SAMD5: variants seen among roughly 807,000 people sequenced by gnomAD.
SAMD5 encodes sterile alpha motif domain-containing protein 5.
A neutral mutation model predicts 11.3 loss-of-function variants in SAMD5; 13 were observed. That is an observed-to-expected ratio of 1.15 (90% confidence interval 0.75 to 1.83). The LOEUF is 1.83. Among genes scored for constraint, SAMD5 ranks in the 40% most tolerant of loss-of-function variants. The pLI, the probability that SAMD5 is intolerant of heterozygous loss-of-function variation, is 0.00. For missense variants in SAMD5, 255 were observed against 239.1 expected (o/e 1.07, Z -0.44); for synonymous variants, 129 against 111.3 (o/e 1.16, Z -1.00).
intron 1 of SAMD5, among the ~76,000 whole-genome samples, chr6:147,629,812 T>C (rs889583291): frequency 2.0e-5 from 3 of 152,172 alleles, no homozygotes; most frequent in Non-Finnish European, 2.9e-5. Flanking sequence ...ACCTCTTCCT[T>C]CCAGCTTCGA....
the SAMD5 span, among the ~76,000 whole-genome samples, chr6:147,825,346 T>C: frequency 1.3e-5 from 2 of 152,132 alleles, no homozygotes; most frequent in Admixed American, 1.3e-4. Flanking sequence ...TGTGGTCATA[T>C]CTTTCCATTT....
chr6:147,532,084 C>T (rs1474283437), intron 1 of SAMD5, among the ~76,000 whole-genome samples: 1 of 152,104 alleles, frequency 6.6e-6, no homozygotes, highest in Non-Finnish European at 1.5e-5. Context: ...TGCTCTATTA[C>T]TATCCCCTAG....
intron 1 of SAMD5, among the ~76,000 whole-genome samples, chr6:147,694,221 G>A (rs1791144151): frequency 6.6e-6 from 1 of 152,120 alleles, no homozygotes; most frequent in Non-Finnish European, 1.5e-5. Context: ...CATTTTAGAA[G>A]TGTAATGTGA....
At chr6:147,762,499 C>G in the SAMD5 span, among the ~76,000 whole-genome samples, 7 of 107,714 alleles carry the variant, frequency 6.5e-5, no homozygotes, top group African/African-American at 2.6e-4. Flanking sequence ...GTGCCTGGCC[C>G]AAAACCAATT....
At chr6:147,871,174 C>T in the SAMD5 span, among the ~76,000 whole-genome samples, 2 of 152,092 alleles carry the variant, frequency 1.3e-5, no homozygotes, top group Non-Finnish European at 2.9e-5. Flanking sequence ...TAAACATTTT[C>T]GGCAGAGTGT....
rs1296565815 is a variant in SAMD5 at position 147,567,854 on chromosome 6, A to G, written c.*3398A>G. The G allele has an allele frequency of 2.1e-5, 21 of 985,302 alleles. No homozygotes were observed. Among genetic ancestry groups the G allele is most frequent in the Non-Finnish European group, 2.4e-5 (20 of 829,954 alleles). 61.0% of individuals were successfully genotyped at this position (985,302 alleles called of 1,614,324 possible). ...AGTTCAGTAAATGTTTATTGATTGA[A>G]TGAAAAGAATTTGATTTAAGGAAAC... On this transcript the variant is annotated 3_prime_UTR_variant, in exon 2 of 2. Transcript: ENST00000367474.
At chr6:147,622,600 C>T (rs974299274) in intron 1 of SAMD5, among the ~76,000 whole-genome samples, 4 of 152,160 alleles carry the variant, frequency 2.6e-5, no homozygotes, top group South Asian at 2.1e-4. Flanking sequence ...GACTGTCCAG[C>T]CCACCAGGAA....
chr6:147,757,872 T>C, the SAMD5 span, among the ~76,000 whole-genome samples: 6 of 152,184 alleles, frequency 3.9e-5, no homozygotes, highest in African/African-American at 1.2e-4. Context: ...GAGAGTGACT[T>C]CTTTAACTTG....
chr6:147,683,486 A>AT (rs774984732), intron 1 of SAMD5, among the ~76,000 whole-genome samples: 105 of 152,266 alleles, frequency 6.9e-4, no homozygotes, highest in Admixed American at 3.1e-3. Flanking sequence ...TTACATGGGT[A>AT]TTTTTTTACC....
At chr6:147,691,084 T>A (rs1217822988) in intron 1 of SAMD5, among the ~76,000 whole-genome samples, 1 of 149,844 alleles carries the variant, frequency 6.7e-6, no homozygotes, top group Admixed American at 6.7e-5. Flanking sequence ...AACACCCCCC[T>A]CCCGAGTTCA....
At position 147,534,942 on chromosome 6, in the gene SAMD5, T is replaced by C. The variant is rs544840784; in HGVS notation, c.459+25555T>C. ...TTTGTTTAAACCATAAACTATAAAC[T>C]AAGTTTCTCCCAAAGTTAGTTCAGC... On this transcript the variant is annotated intron_variant, in intron 1 of 1. Coordinates refer to ENST00000367474, the MANE Select transcript of SAMD5 (RefSeq NM_001030060.3). Among the ~76,000 whole-genome samples, 4 of 152,326 alleles carry C rather than the reference T, an allele frequency of 2.6e-5. No homozygotes were observed. In the East Asian group the frequency reaches 5.8e-4, roughly 22 times the overall value.
the SAMD5 span, among the ~76,000 whole-genome samples, chr6:147,795,381 C>T: frequency 2.1e-5 from 3 of 140,982 alleles, no homozygotes; most frequent in South Asian, 2.2e-4. Context: ...CATGTCCCTA[C>T]AAAGGACATG....
chr6:147,564,547 G>A lies in SAMD5; in HGVS notation c.*91G>A. On this transcript the variant is annotated 3_prime_UTR_variant, in exon 2 of 2. Coordinates refer to ENST00000367474, the MANE Select transcript of SAMD5 (RefSeq NM_001030060.3). The stretch of plus-strand genomic sequence containing the variant: ...GAACCTTCTTTCAAAAAGGGAAATG[G>A]ATGATGACCCTGGAAATACTCATCA... 1 of 1,081,720 alleles carries A rather than the reference G, an allele frequency of 9.2e-7. No individual in the cohort carries two copies. The highest frequency in any genetic ancestry group is 1.4e-6 in the Non-Finnish European group (1 of 713,672). 67.0% of individuals were successfully genotyped at this position (1,081,720 alleles called of 1,614,324 possible).
the SAMD5 span, among the ~76,000 whole-genome samples, chr6:147,911,476 A>T: frequency 6.6e-6 from 1 of 152,182 alleles, no homozygotes; most frequent in African/African-American, 2.4e-5. Context: ...CTGAGCTACA[A>T]AGCCAAAACT....
chr6:147,850,817 C>A, the SAMD5 span, among the ~76,000 whole-genome samples: 167 of 152,138 alleles, frequency 1.1e-3, no homozygotes, highest in African/African-American at 3.9e-3. Context: ...ATTTAGTCAC[C>A]GAGTAGCAGA....
At chr6:147,708,215 A>G (rs934758402) in intron 1 of SAMD5, among the ~76,000 whole-genome samples, 3 of 152,192 alleles carry the variant, frequency 2.0e-5, no homozygotes, top group African/African-American at 7.2e-5. Flanking sequence ...TCATGTCCTC[A>G]GAAGAAGAGG....
the SAMD5 span, among the ~76,000 whole-genome samples, chr6:147,920,149 A>G: frequency 6.6e-6 from 1 of 152,174 alleles, no homozygotes; most frequent in Non-Finnish European, 1.5e-5. Flanking sequence ...GGAGATTAAC[A>G]TTTGAGTCAG....
chr6:147,661,188 G>T (rs1177563754), intron 1 of SAMD5, among the ~76,000 whole-genome samples: 4 of 151,966 alleles, frequency 2.6e-5, no homozygotes, highest in Admixed American at 2.6e-4. Flanking sequence ...AAAGAAACTA[G>T]AATCTGGAGA....
intron 1 of SAMD5, chr6:147,730,098 G>GA (rs759763550): frequency 4.9e-6 from 2 of 405,804 alleles, no homozygotes; most frequent in East Asian, 7.1e-5. Context: ...AAAAAGAAAA[G>GA]AAAAAAAGAA....
Sources: allele counts gnomAD v4.1 joint callset (sites outside exome capture counted in the v4.1 genomes callset), GRCh38; gene constraint gnomAD v4.1.1; transcripts MANE v1.5; gene names NCBI Gene and HGNC (gene_info 2026-07-23, HGNC 2026-07-21).